SYNPR: variants seen among roughly 807,000 people sequenced by gnomAD.
The protein encoded by SYNPR is synaptoporin.
Under a neutral mutation model 32.9 loss-of-function variants are expected in SYNPR, and 23 were observed. The ratio of observed to expected loss-of-function variants is 0.70; its 90% CI spans 0.50 to 0.99. SYNPR has a LOEUF of 0.99. Among genes scored for constraint, SYNPR ranks in the 50% least tolerant of loss-of-function variants. The pLI is 0.00. For synonymous variants in SYNPR, 146 were observed against 135.9 expected (o/e 1.07, Z -0.52); for missense variants, 318 against 349.3 (o/e 0.91, Z 0.71).
At chr3:63,544,831 G>A (rs752355069) in intron 3 of SYNPR, among the ~76,000 whole-genome samples, 11 of 151,710 alleles carry the variant, frequency 7.3e-5, no homozygotes, top group East Asian at 1.9e-4. Context: ...TTACATTCAC[G>A]CACCATGACA....
rs535148018 is a variant in SYNPR, at chr3:63,507,375, T to C, written c.209+26419T>C. Among the ~76,000 whole-genome samples the C allele has an allele frequency of 4.4e-5, 6 of 135,574 alleles. 1 individual carries two copies. The South Asian group carries it at 9.2e-4, about 21-fold the overall frequency. The allele number at this position is 135,574 out of a possible 152,430, so 88.9% of individuals were successfully genotyped here. A position where few individuals can be genotyped will look rare whatever the true frequency, so the allele number is the denominator to read the frequency against. ...CAAGTGCATAACCTCAATCTAATAA[T>C]GGGAAAAAAAATCAGACAAATCATA... On this transcript the variant is annotated intron_variant, in intron 3 of 5. Coordinates refer to ENST00000478300, the MANE Select transcript of SYNPR (RefSeq NM_001130003.2).
intron 1 of SYNPR, among the ~76,000 whole-genome samples, chr3:63,230,114 A>G (rs546300700): frequency 6.6e-6 from 1 of 152,096 alleles, no homozygotes; most frequent in Non-Finnish European, 1.5e-5. Flanking sequence ...TCCCTCTTGC[A>G]TGTTTCAATG....
chr3:63,584,666 T>C (rs1388721598), intron 4 of SYNPR, among the ~76,000 whole-genome samples: 2 of 152,062 alleles, frequency 1.3e-5, no homozygotes, highest in Non-Finnish European at 2.9e-5. Context: ...ATGCCTGGTA[T>C]AGAAAAATTA....
intron 1 of SYNPR, among the ~76,000 whole-genome samples, chr3:63,243,856 G>A (rs75352334): frequency 0.027 from 4,106 of 151,744 alleles, 77 homozygotes; most frequent in Middle Eastern, 0.085. Context: ...TGAGTTAAAG[G>A]AGCTGTGGAA....
chr3:63,345,217 T>G (rs1245189263), intron 2 of SYNPR, among the ~76,000 whole-genome samples: 2 of 152,238 alleles, frequency 1.3e-5, no homozygotes, highest in Non-Finnish European at 2.9e-5. Context: ...AAGGTGGTTT[T>G]AGTCTCAGAA....
intron 4 of SYNPR, among the ~76,000 whole-genome samples, chr3:63,580,221 T>C (rs1703064810): frequency 6.6e-6 from 1 of 152,198 alleles, no homozygotes; most frequent in African/African-American, 2.4e-5. Context: ...AGAAAATGTA[T>C]GTTTATTGAT....
chr3:63,449,529 T>C (rs939681896), intron 2 of SYNPR, among the ~76,000 whole-genome samples: 1 of 152,152 alleles, frequency 6.6e-6, no homozygotes, highest in East Asian at 1.9e-4. Context: ...AACCCCCAGG[T>C]TGTGACAACC....
upstream of SYNPR, among the ~76,000 whole-genome samples, chr3:63,224,100 G>C (rs1251143812): frequency 6.6e-6 from 1 of 152,218 alleles, no homozygotes; most frequent in Non-Finnish European, 1.5e-5. Flanking sequence ...TGTTGAAGGA[G>C]TATAACAGAA....
intron 4 of SYNPR, among the ~76,000 whole-genome samples, chr3:63,586,277 C>CA (rs368641190): frequency 0.02 from 2,822 of 138,876 alleles, 78 homozygotes; most frequent in African/African-American, 0.069. Context: ...TGCTCATTTG[C>CA]AAAAAAAAAA....
intron 2 of SYNPR, among the ~76,000 whole-genome samples, chr3:63,310,572 G>T (rs959890759): frequency 6.6e-6 from 1 of 151,978 alleles, no homozygotes; most frequent in Non-Finnish European, 1.5e-5. Context: ...AAGATGACTA[G>T]GGCAGCCTCA....
chr3:63,494,434 CGT>C (rs1491164816), intron 3 of SYNPR, among the ~76,000 whole-genome samples: 8 of 102,638 alleles, frequency 7.8e-5, no homozygotes, highest in Admixed American at 1.0e-4. Context: ...TATATATATA[CGT>C]ATATATATAT....
chr3:63,454,752 GTGTGA>G (rs113684823), intron 2 of SYNPR, among the ~76,000 whole-genome samples: 4,459 of 152,058 alleles, frequency 0.029, 176 homozygotes, highest in East Asian at 0.13. Flanking sequence ...AGAGATCTCT[GTGTGA>G]TGTGATGTGA....
chr3:63,602,591 A>G (rs1700061389), intron 4 of SYNPR, among the ~76,000 whole-genome samples: 1 of 152,170 alleles, frequency 6.6e-6, no homozygotes, highest in Non-Finnish European at 1.5e-5. Context: ...AGCACCATTT[A>G]TTGAAGAGGG....
intron 3 of SYNPR, among the ~76,000 whole-genome samples, chr3:63,486,140 C>T (rs1701144586): frequency 6.6e-6 from 1 of 152,158 alleles, no homozygotes; most frequent in African/African-American, 2.4e-5. Context: ...AACTCCTGAC[C>T]TCAAGTGATC....
intron 4 of SYNPR, among the ~76,000 whole-genome samples, chr3:63,567,054 T>A (rs141327786): frequency 9.3e-4 from 142 of 152,304 alleles, no homozygotes; most frequent in Middle Eastern, 3.4e-3. Flanking sequence ...AATGTTCTTC[T>A]ATATTATTTT....
intron 2 of SYNPR, among the ~76,000 whole-genome samples, chr3:63,326,739 G>A (rs1415481176): frequency 2.6e-5 from 4 of 152,088 alleles, no homozygotes; most frequent in Non-Finnish European, 5.9e-5. Context: ...CACCAAGAAA[G>A]GGAGTTGTGA....
chr3:63,318,644 A>G (rs2087071150), intron 2 of SYNPR, among the ~76,000 whole-genome samples: 1 of 151,818 alleles, frequency 6.6e-6, no homozygotes, highest in Non-Finnish European at 1.5e-5. Context: ...TTCCTTGAAT[A>G]TTTCTCTGTT....
chr3:63,485,369 GAAATA>G (rs1330944914), intron 3 of SYNPR, among the ~76,000 whole-genome samples: 1 of 151,794 alleles, frequency 6.6e-6, no homozygotes, highest in African/African-American at 2.4e-5. Flanking sequence ...AATAAAAACA[GAAATA>G]AAATAAAATA....
In SYNPR at chr3:63,278,525, G is replaced by A. The variant is rs6767876; in HGVS notation, c.-9G>A. On this transcript the variant is annotated 5_prime_UTR_variant, in exon 1 of 6. Coordinates refer to ENST00000478300, the MANE Select transcript of SYNPR (RefSeq NM_001130003.2). ...ACTGGTGGATGAGAAGAGCGAGCGAGGGCGAGCTATGGACCCTGTGAGTCA... is the reference window on the plus strand; with the variant it reads ...ACTGGTGGATGAGAAGAGCGAGCGAAGGCGAGCTATGGACCCTGTGAGTCA... The A allele has an allele frequency of 0.057, 88,719 of 1,547,686 alleles. 2,757 individuals are homozygous for A. The highest frequency in any genetic ancestry group is 0.11 in the Middle Eastern group (626 of 5,928).
Sources: gnomAD v4.1 joint callset for allele counts (sites outside exome capture counted in the v4.1 genomes callset) on GRCh38, gnomAD v4.1.1 for gene constraint, MANE v1.5 for transcripts, NCBI Gene and HGNC (gene_info 2026-07-23, HGNC 2026-07-21) for gene names.